Variants in PCDHGA1 observed in about 807,000 individuals in gnomAD.
The protein encoded by PCDHGA1 is protocadherin gamma subfamily A, 1.
PCDHGA1 carries 32 observed loss-of-function variants against 58.0 expected under a neutral mutation model. That is an observed-to-expected ratio of 0.55 (90% CI 0.42 to 0.74). The LOEUF is 0.74. Among genes scored for constraint, PCDHGA1 ranks in the 30% least tolerant of loss-of-function variants. PCDHGA1 has a pLI of 0.00. For synonymous variants in PCDHGA1, 498 were observed against 501.1 expected (o/e 0.99, Z 0.08); for missense variants, 1,205 against 1,182.3 (o/e 1.02, Z -0.28).
chr5:141,438,955 C>T (rs965336489), intron 1 of PCDHGA1, among the ~76,000 whole-genome samples: 3 of 151,926 alleles, frequency 2.0e-5, no homozygotes, highest in Non-Finnish European at 4.4e-5. Flanking sequence ...CATGAGCCAC[C>T]GCACCCTGCC....
intron 1 of PCDHGA1, among the ~76,000 whole-genome samples, chr5:141,451,090 A>G (rs2098706546): frequency 6.6e-6 from 1 of 151,864 alleles, no homozygotes; most frequent in Non-Finnish European, 1.5e-5. Context: ...GACCTCCCAA[A>G]GTGTTGGGAT....
chr5:141,343,178 C>T, intron 1 of PCDHGA1: 1 of 484,862 alleles, frequency 2.1e-6, no homozygotes, highest in Non-Finnish European at 2.7e-6. Context: ...CACCTTAAAT[C>T]CCCAAACATA....
Position 141,489,068 on chromosome 5 carries a change from G to GC in PCDHGA1, c.2422-5736dup. ...CTCAAATTCAGCTCCCCTCCCCCCT[G>GC]CCCACCCCCGCCACTCGGTGACTAA... On this transcript the variant is annotated intron_variant, in intron 1 of 3. Transcript: ENST00000517417. The surrounding 1 kb of genome is among the most constrained non-coding windows in gnomAD (Gnocchi z 4.5). 3 of 291,558 alleles carry GC rather than the reference G, an allele frequency of 1.0e-5. No homozygotes were observed. Among genetic ancestry groups the GC allele is most frequent in the Admixed American group, 5.4e-5 (1 of 18,530 alleles). 18.1% of individuals were successfully genotyped at this position (291,558 alleles called of 1,614,324 possible).
intron 1 of PCDHGA1, chr5:141,385,577 T>C: frequency 1.6e-6 from 2 of 1,290,108 alleles, no homozygotes; most frequent in Non-Finnish European, 2.0e-6. Context: ...TACTTTCCAA[T>C]CTATGTTCCA....
chr5:141,443,650 CA>C (rs2098397782), intron 1 of PCDHGA1, among the ~76,000 whole-genome samples: 1 of 152,150 alleles, frequency 6.6e-6, no homozygotes. Flanking sequence ...ATAATGTTAG[CA>C]TAGCATTTTA....
chr5:141,476,476 C>A lies in PCDHGA1; in HGVS notation c.2422-18331C>A. On this transcript the variant is annotated intron_variant, in intron 1 of 3. Coordinates refer to ENST00000517417, the MANE Select transcript of PCDHGA1 (RefSeq NM_018912.3). The surrounding 1 kb of genome is among the most constrained non-coding windows in gnomAD (Gnocchi z 7.6). ...TGGAGAACCCGCTGGAGCTGTTCAG[C>A]GTGGAAGTGGTGATCCAGGACATCA... 6.2e-7 allele frequency: 1 copy of A among 1,613,986 alleles called. No individual in the cohort carries two copies. The highest frequency in any genetic ancestry group is 8.5e-7 in the Non-Finnish European group (1 of 1,179,992).
In PCDHGA1 at chr5:141,432,897, C is replaced by A. The variant is rs780142081; in HGVS notation, c.2422-61910C>A. 1.2e-6 allele frequency: 2 copies of A among 1,614,178 alleles called. No individual in the cohort carries two copies. Among genetic ancestry groups the A allele is most frequent in the Non-Finnish European group, 1.7e-6 (2 of 1,180,010 alleles). On this transcript the variant is annotated intron_variant, in intron 1 of 3. Coordinates refer to ENST00000517417, the MANE Select transcript of PCDHGA1 (RefSeq NM_018912.3). The surrounding 1 kb of genome is among the most constrained non-coding windows in gnomAD (Gnocchi z 6.0). ...CTGGCCTTCGTCATCTTGCTGCTGGCGCTCAGGCTGCGGCGCTGGCACAAG... is the reference window on the plus strand; with the variant it reads ...CTGGCCTTCGTCATCTTGCTGCTGGAGCTCAGGCTGCGGCGCTGGCACAAG...
chr5:141,393,055 G>A (rs1225924697), intron 1 of PCDHGA1: 1 of 1,613,678 alleles, frequency 6.2e-7, no homozygotes, highest in South Asian at 1.1e-5. Flanking sequence ...AACCCGCGCA[G>A]CGGCAGCTTG....
Position 141,485,263 on chromosome 5 carries a change from G to A in PCDHGA1, c.2422-9544G>A. 1 of 1,614,162 alleles carries A rather than the reference G, an allele frequency of 6.2e-7. No individual in the cohort carries two copies. On this transcript the variant is annotated intron_variant, in intron 1 of 3. Transcript: ENST00000517417. This position sits in a 1 kb window ranked among gnomAD's most constrained non-coding sequence, Gnocchi z 5.7. ...ACCACCTGGGTTACGTTTGTGGGCA[G>A]ATCCGCTACCCGGTCCCAGAGGAGT...
At chr5:141,499,570 A>C (rs1027373056) in intron 2 of PCDHGA1, among the ~76,000 whole-genome samples, 2 of 152,200 alleles carry the variant, frequency 1.3e-5, no homozygotes, top group Non-Finnish European at 2.9e-5. Flanking sequence ...TCCAGCTTCA[A>C]CTAATGCCTT....
chr5:141,356,806 G>A, intron 1 of PCDHGA1: 1 of 1,614,010 alleles, frequency 6.2e-7, no homozygotes, highest in Non-Finnish European at 8.5e-7. Context: ...GACAGCCAGT[G>A]ACAGTGGAGA....
chr5:141,357,165 G>A (rs368780365), intron 1 of PCDHGA1: 66 of 1,613,556 alleles, frequency 4.1e-5, no homozygotes, highest in East Asian at 3.3e-4. Flanking sequence ...CCCCTCTCTC[G>A]GCCACCGTCA....
chr5:141,490,833 G>C lies in PCDHGA1; in HGVS notation c.2422-3974G>C, dbSNP rs781529579. ...ACTATGAATTGCTGCAGATGCTGCA[G>C]ATTGTGGTGGGGGTTCGAGACTCCG... On this transcript the variant is annotated intron_variant, in intron 1 of 3. Coordinates refer to ENST00000517417, the MANE Select transcript of PCDHGA1 (RefSeq NM_018912.3). This position sits in a 1 kb window ranked among gnomAD's most constrained non-coding sequence, Gnocchi z 5.4. The C allele has an allele frequency of 6.2e-7, 1 of 1,613,932 alleles. No homozygotes were observed. Among genetic ancestry groups the C allele is most frequent in the East Asian group, 2.2e-5 (1 of 44,884 alleles).
At chr5:141,394,955 C>A (rs2093135329) in intron 1 of PCDHGA1, 11 of 1,613,878 alleles carry the variant, frequency 6.8e-6, no homozygotes, top group Non-Finnish European at 8.5e-6. Context: ...TTCTGGGGCT[C>A]AGGCTGAGGC....
rs762612048 is a variant in PCDHGA1 at position 141,388,612 on chromosome 5, G to A, written c.2421+55507G>A. The A allele has an allele frequency of 2.5e-5, 40 of 1,613,954 alleles. No homozygotes were observed. The East Asian group carries it at 5.3e-4, about 22-fold the overall frequency. ...GCCAATGATAATGCTCCAGTGTTCAGTCAAGACGTATACAGGGTGAGCCTT... is the reference window on the plus strand; with the variant it reads ...GCCAATGATAATGCTCCAGTGTTCAATCAAGACGTATACAGGGTGAGCCTT... On this transcript the variant is annotated intron_variant, in intron 1 of 3. Coordinates refer to ENST00000517417, the MANE Select transcript of PCDHGA1 (RefSeq NM_018912.3).
chr5:141,490,473 T>C lies in PCDHGA1; in HGVS notation c.2422-4334T>C. 6.2e-7 allele frequency: 1 copy of C among 1,614,228 alleles called. No homozygotes were observed. Among genetic ancestry groups the C allele is most frequent in the East Asian group, 2.2e-5 (1 of 44,878 alleles). On this transcript the variant is annotated intron_variant, in intron 1 of 3. Transcript: ENST00000517417. This position sits in a 1 kb window ranked among gnomAD's most constrained non-coding sequence, Gnocchi z 5.4. ...ACTACTCGCTGCTAACCAGCCAGCC[T>C]TTGGACCGGGAGGCCACATCCCACT...
At chr5:141,415,740 G>GTTTTTTTTTTTTTTTTTGTTTTT (rs2095912994) in intron 1 of PCDHGA1, 1 of 515,998 alleles carries the variant, frequency 1.9e-6, no homozygotes. Flanking sequence ...GTTTATTAAG[G>GTTTTTTTTTTTTTTTTTGTTTTT]TTTTTTTTTT....
intron 1 of PCDHGA1, among the ~76,000 whole-genome samples, chr5:141,359,061 T>C (rs913516585): frequency 2.0e-5 from 3 of 152,238 alleles, no homozygotes; most frequent in Non-Finnish European, 4.4e-5. Flanking sequence ...ATGCCTCAAT[T>C]TGACTTACAA....
chr5:141,390,061 A>G, intron 1 of PCDHGA1: 1 of 1,614,016 alleles, frequency 6.2e-7, no homozygotes, highest in East Asian at 2.2e-5. Context: ...AGCTGCTTCC[A>G]GCCTGGTCTC....
Sources: allele counts gnomAD v4.1 joint callset (sites outside exome capture counted in the v4.1 genomes callset), GRCh38; gene constraint gnomAD v4.1.1; non-coding constraint Gnocchi (gnomAD v3.1); transcripts MANE v1.5; gene names NCBI Gene and HGNC (gene_info 2026-07-23, HGNC 2026-07-21).